The following ADGRV1 variants were observed in gnomAD, a reference collection of about 807,000 sequenced individuals.
ADGRV1 encodes the protein adhesion G protein-coupled receptor V1.
ADGRV1 carries 359 observed loss-of-function variants against 596.2 expected under a neutral mutation model. The ratio of observed to expected loss-of-function variants is 0.60; its 90% CI spans 0.55 to 0.66. The LOEUF (loss-of-function observed/expected upper bound fraction) is 0.66. ADGRV1 is among the 30% of genes least tolerant of loss of function. The pLI, the probability that ADGRV1 is intolerant of heterozygous loss-of-function variation, is 0.00. For synonymous variants in ADGRV1, 2,681 were observed against 2,679.2 expected, an observed-to-expected ratio of 1.00 and a Z score of -0.02; for missense variants, 7,274 against 7,575.6, an observed-to-expected ratio of 0.96 and a Z score of 1.48.
chr5:90,611,645 T>A (rs1017349712), intron 1 of ADGRV1, among the ~76,000 whole-genome samples: 1 of 151,974 alleles, frequency 6.6e-6, no homozygotes. Context: ...TTAAAACATA[T>A]GTTTGAAATT....
In ADGRV1 at chr5:90,729,712, A is replaced by G; in HGVS notation, c.10497A>G (p.Val3499=). The change falls in exon 50 of 90, where the codon GTA becomes GTG. Residue 3499 remains valine (V), a synonymous_variant. Coordinates refer to ENST00000405460, the MANE Select transcript of ADGRV1 (RefSeq NM_032119.4). ...GQSSFRYFQS[V]DFAAVNRIHS... ...CTTCCTTCAGGTATTTTCAGTCTGT[A>G]GATTTTGCTGCTGTTAACAGAATCC... 6.2e-7 allele frequency: 1 copy of G among 1,612,068 alleles called. No individual in the cohort carries two copies. The highest frequency in any genetic ancestry group is 8.5e-7 in the Non-Finnish European group (1 of 1,178,378).
rs542081391 is a variant in ADGRV1, at chr5:90,781,477, C to A, written c.13130C>A (p.Pro4377His). The A allele has an allele frequency of 2.5e-6, 4 of 1,609,236 alleles. No homozygotes were observed. In the Admixed American group the frequency reaches 6.7e-5, roughly 27 times the overall value. Residue 4377 changes from proline to histidine, a missense_variant, in exon 65 of 90, where the codon CCT becomes CAT. Transcript: ENST00000405460. ...IQENGLQIDQPPEIGNISIVR... is the reference protein window; with the variant it reads ...IQENGLQIDQHPEIGNISIVR... ...GAAAATGGACTTCAGATAGATCAAC[C>A]TCCTGAAATAGGAAACATCTCCATT...
At chr5:91,080,607 A>C (rs1297972395) in intron 86 of ADGRV1, among the ~76,000 whole-genome samples, 4 of 151,670 alleles carry the variant, frequency 2.6e-5, no homozygotes, top group African/African-American at 9.7e-5. Flanking sequence ...AAAAAAAAAA[A>C]AAAACTTGAA....
chr5:90,985,608 C>A lies in ADGRV1; in HGVS notation c.18152+86C>A, dbSNP rs996533226. 94 of 938,908 alleles carry A rather than the reference C, an allele frequency of 1.0e-4. No individual in the cohort carries two copies. The African/African-American group carries it at 1.4e-3, about 14-fold the overall frequency. The allele number at this position is 938,908 out of a possible 1,614,324, so 58.2% of individuals were successfully genotyped here. A position where few individuals can be genotyped will look rare whatever the true frequency, so the allele number is the denominator to read the frequency against. ...CATAAGAGCTGTGATTGAATAAGTA[C>A]CAGGAAGATCTTTGCTTTTCTGCCA... On this transcript the variant is annotated intron_variant, in intron 85 of 89. Transcript: ENST00000405460.
At position 90,685,881 on chromosome 5, in the gene ADGRV1, A is replaced by G. The variant is rs781060574; in HGVS notation, c.6376A>G (p.Ile2126Val). 3.7e-6 allele frequency: 6 copies of G among 1,612,152 alleles called. No homozygotes were observed. The East Asian group carries it at 8.9e-5, about 24-fold the overall frequency. The change falls in exon 29 of 90, where the codon ATT (isoleucine) becomes GTT (valine). Residue 2126 changes from isoleucine to valine, a missense_variant. Physicochemically the swap from Ile to Val is conservative, Grantham distance 29. Transcript: ENST00000405460. ...TGGAACTCTTCAGCTCTCAGCACCA[A>G]TTGTCCGAGTGGCAGAAAATCATGT... ...AFGTLQLSAPIVRVAENHVGP... is the reference protein window; with the variant it reads ...AFGTLQLSAPVVRVAENHVGP...
At chr5:91,127,558 A>AAG (rs1554230940) in intron 87 of ADGRV1, among the ~76,000 whole-genome samples, 127 of 151,168 alleles carry the variant, frequency 8.4e-4, no homozygotes, top group African/African-American at 2.8e-3. Context: ...AAAAAAAAAA[A>AAG]TCTTACTAGA....
intron 1 of ADGRV1, among the ~76,000 whole-genome samples, chr5:90,601,111 G>A (rs1348034344): frequency 6.6e-6 from 1 of 152,028 alleles, no homozygotes; most frequent in African/African-American, 2.4e-5. Context: ...GGTGGTGCAT[G>A]CCTGTAATCC....
chr5:90,559,417 A>G (rs1754516666), intron 1 of ADGRV1, among the ~76,000 whole-genome samples: 1 of 152,152 alleles, frequency 6.6e-6, no homozygotes, highest in Non-Finnish European at 1.5e-5. Flanking sequence ...AGTGAAATAT[A>G]TTGATTTTAG....
chr5:90,844,219 C>T (rs1447271128), intron 78 of ADGRV1, among the ~76,000 whole-genome samples: 1 of 152,104 alleles, frequency 6.6e-6, no homozygotes, highest in African/African-American at 2.4e-5. Context: ...ATAGAACTTC[C>T]AAGTACTGGA....
At chr5:90,992,062 A>ATTTT (rs1781012054) in intron 85 of ADGRV1, among the ~76,000 whole-genome samples, 1 of 152,250 alleles carries the variant, frequency 6.6e-6, no homozygotes, top group Non-Finnish European at 1.5e-5. Flanking sequence ...TAAAAATAGC[A>ATTTT]ACCTTAGACT....
chr5:90,697,043 T>C lies in ADGRV1; in HGVS notation c.8052T>C (p.Ile2684=). ...SLVYTEGGSR[I]LPSSDTVRVN... is the part of the protein sequence containing the mutation. ...TGTACACTGAAGGTGGAAGTAGAAT[T>C]TTGCCAAGCTCCGACACTGTTAGAG... is the stretch of plus-strand genomic sequence containing the variant. Residue 2684 remains isoleucine, a synonymous_variant, in exon 34 of 90, where the codon ATT becomes ATC. Coordinates refer to ENST00000405460, the MANE Select transcript of ADGRV1 (RefSeq NM_032119.4). 2 of 1,613,436 alleles carry C rather than the reference T, an allele frequency of 1.2e-6. No individual in the cohort carries two copies. Among genetic ancestry groups the C allele is most frequent in the Non-Finnish European group, 1.7e-6 (2 of 1,179,504 alleles).
intron 1 of ADGRV1, among the ~76,000 whole-genome samples, chr5:90,584,519 C>T (rs565176452): frequency 6.6e-6 from 1 of 152,098 alleles, no homozygotes; most frequent in South Asian, 2.1e-4. Context: ...TGGTGGGGAC[C>T]ACTTGTCTCT....
At chr5:91,055,951 C>T (rs1485375603) in intron 85 of ADGRV1, among the ~76,000 whole-genome samples, 1 of 152,186 alleles carries the variant, frequency 6.6e-6, no homozygotes, top group Admixed American at 6.5e-5. Flanking sequence ...GTGTAAAAAT[C>T]TGTGCTTCTG....
intron 11 of ADGRV1, among the ~76,000 whole-genome samples, chr5:90,638,537 G>GA (rs1363507350): frequency 1.1e-4 from 12 of 111,620 alleles, no homozygotes; most frequent in Admixed American, 4.1e-4. Context: ...ATCTCTCAAA[G>GA]AGTTTTTTTT....
chr5:90,690,166 C>A, intron 30 of ADGRV1, 90 bp downstream of exon 30: 2 of 739,948 alleles, frequency 2.7e-6, no homozygotes, highest in Non-Finnish European at 4.5e-6. Flanking sequence ...CAGAATTGAT[C>A]TGATCATGCT....
At position 90,879,367 on chromosome 5, in the gene ADGRV1, G is replaced by A. The variant is rs150099946; in HGVS notation, c.17856+15510G>A. On this transcript the variant is annotated intron_variant, in intron 83 of 89. Transcript: ENST00000405460. ...TACACAGGGTGAAATAAACTTGAAA[G>A]GAGATTTGTAAAGAAAAGAACAAGC... Among the ~76,000 whole-genome samples the A allele has an allele frequency of 3.7e-3, 568 of 152,228 alleles. 4 individuals carry two copies. Among genetic ancestry groups the A allele is most frequent in the African/African-American group, 0.013 (544 of 41,552 alleles).
chr5:91,071,415 C>CA, intron 85 of ADGRV1, among the ~76,000 whole-genome samples: 1 of 152,186 alleles, frequency 6.6e-6, no homozygotes, highest in South Asian at 2.1e-4. Context: ...TAATTTGAAA[C>CA]ATAAGCTGGG....
chr5:91,078,178 A>G (rs1335856205), intron 86 of ADGRV1, among the ~76,000 whole-genome samples: 2 of 152,140 alleles, frequency 1.3e-5, no homozygotes, highest in African/African-American at 4.8e-5. Context: ...GTGAACAACA[A>G]TAGTAATATA....
intron 86 of ADGRV1, among the ~76,000 whole-genome samples, chr5:91,086,109 T>C (rs1009245328): frequency 1.3e-5 from 2 of 152,196 alleles, no homozygotes; most frequent in African/African-American, 4.8e-5. Context: ...TACAAGTATT[T>C]TCCTGCTAAC....
Sources: allele counts gnomAD v4.1 joint callset (sites outside exome capture counted in the v4.1 genomes callset), GRCh38; gene constraint gnomAD v4.1.1; transcripts MANE v1.5; gene names NCBI Gene and HGNC (gene_info 2026-07-23, HGNC 2026-07-21).